ROBO2: variants seen among roughly 807,000 people sequenced by gnomAD.
The protein encoded by ROBO2 is roundabout guidance receptor 2.
ROBO2 carries 53 observed loss-of-function variants against 160.8 expected under a neutral mutation model. The observed-to-expected ratio is 0.33, with a 90% CI of 0.26 to 0.41. ROBO2 has a LOEUF of 0.41. ROBO2 is among the 10% of genes least tolerant of loss of function. The pLI is 1.00. For missense variants in ROBO2, 1,577 were observed against 1,722.4 expected, an observed-to-expected ratio of 0.92 and a Z score of 1.49; for synonymous variants, 664 against 611.7, an observed-to-expected ratio of 1.09 and a Z score of -1.26.
intron 2 of ROBO2, among the ~76,000 whole-genome samples, chr3:76,198,356 A>C (rs1702360317): frequency 6.6e-6 from 1 of 152,200 alleles, no homozygotes; most frequent in South Asian, 2.1e-4. Context: ...ACATGAAAAC[A>C]GAGATCTTAA....
intron 2 of ROBO2, among the ~76,000 whole-genome samples, chr3:76,458,951 A>G (rs543883153): frequency 3.9e-5 from 6 of 152,184 alleles, no homozygotes; most frequent in Admixed American, 3.9e-4. Flanking sequence ...GGTTTGGGGG[A>G]GACACAGCCA....
intron 2 of ROBO2, among the ~76,000 whole-genome samples, chr3:76,426,965 A>G (rs776200905): frequency 6.6e-6 from 1 of 152,152 alleles, no homozygotes; most frequent in Non-Finnish European, 1.5e-5. Flanking sequence ...CTCCATAAAG[A>G]AGACATAGTG....
chr3:77,099,205 G>T (rs190908558), intron 2 of ROBO2, among the ~76,000 whole-genome samples: 18 of 151,564 alleles, frequency 1.2e-4, no homozygotes, highest in African/African-American at 4.4e-4. Flanking sequence ...CCAAGTAGCT[G>T]GGATTACAGA....
intron 2 of ROBO2, among the ~76,000 whole-genome samples, chr3:76,426,438 C>G (rs181378826): frequency 9.2e-5 from 14 of 152,144 alleles, no homozygotes; most frequent in African/African-American, 3.1e-4. Flanking sequence ...CAAAAATGAT[C>G]AACAGACATC....
intron 4 of ROBO2, among the ~76,000 whole-genome samples, chr3:77,488,374 T>C (rs776977613): frequency 6.6e-6 from 1 of 152,240 alleles, no homozygotes; most frequent in Non-Finnish European, 1.5e-5. Flanking sequence ...TCTGATCTAA[T>C]TGATAAGCAG....
intron 2 of ROBO2, among the ~76,000 whole-genome samples, chr3:77,249,151 A>G (rs1383917877): frequency 1.3e-5 from 2 of 152,152 alleles, no homozygotes; most frequent in Non-Finnish European, 2.9e-5. Flanking sequence ...GCCCCTGCCC[A>G]CATTTTTGTT....
rs1442623560 is a variant in ROBO2, at chr3:77,011,048, TTCTTTC to T, written c.110-86964_110-86959del. On this transcript the variant is annotated intron_variant, in intron 2 of 26. Coordinates refer to the ROBO2 transcript ENST00000487694. ...CTGTCGGTTCTTTCTTTTCTTTTCT[TTCTTTC>T]TTCTTTCTTTCTTTCTTTCTTTCTT... Among the ~76,000 whole-genome samples the T allele has an allele frequency of 3.3e-3, 241 of 72,082 alleles. 2 individuals are homozygous for T. Among genetic ancestry groups the T allele is most frequent in the African/African-American group, 0.015 (202 of 13,332 alleles). The allele number at this position is 72,082 out of a possible 152,430, so 47.3% of individuals were successfully genotyped here. A position where few individuals can be genotyped will look rare whatever the true frequency, so the allele number is the denominator to read the frequency against.
intron 2 of ROBO2, among the ~76,000 whole-genome samples, chr3:77,245,276 G>T (rs891742904): frequency 2.6e-5 from 4 of 152,116 alleles, no homozygotes; most frequent in Admixed American, 6.5e-5. Context: ...TTTTCATGGG[G>T]GGTGGCTCAA....
At chr3:76,601,737 G>GA (rs1304054907) in intron 2 of ROBO2, among the ~76,000 whole-genome samples, 2 of 152,168 alleles carry the variant, frequency 1.3e-5, no homozygotes, top group Non-Finnish European at 2.9e-5. Context: ...CCATGCCCTG[G>GA]AGCCATTTTC....
chr3:75,943,181 T>C (rs1205740780), intron 2 of ROBO2, among the ~76,000 whole-genome samples: 1 of 152,178 alleles, frequency 6.6e-6, no homozygotes, highest in African/African-American at 2.4e-5. Flanking sequence ...TTTAGACTTT[T>C]TTGTTTTACT....
chr3:76,176,183 A>G (rs139252919), intron 2 of ROBO2, among the ~76,000 whole-genome samples: 89 of 151,954 alleles, frequency 5.9e-4, no homozygotes, highest in African/African-American at 2.1e-3. Flanking sequence ...TCAAGGGCGC[A>G]GCTTTATTTT....
At chr3:76,178,219 A>T (rs1281043807) in intron 2 of ROBO2, among the ~76,000 whole-genome samples, 1 of 152,176 alleles carries the variant, frequency 6.6e-6, no homozygotes, top group Non-Finnish European at 1.5e-5. Context: ...TCTGACTTTG[A>T]TGATGATATT....
chr3:76,216,209 C>G (rs539034687), intron 2 of ROBO2, among the ~76,000 whole-genome samples: 1 of 152,130 alleles, frequency 6.6e-6, no homozygotes, highest in Non-Finnish European at 1.5e-5. Flanking sequence ...CAAAAACATG[C>G]CAAATTGTAA....
intron 2 of ROBO2, among the ~76,000 whole-genome samples, chr3:76,863,487 A>C (rs1166968): frequency 0.099 from 15,005 of 150,888 alleles, 810 homozygotes; most frequent in South Asian, 0.12. Context: ...GCAGAAAAAA[A>C]CCAAATCATT....
At chr3:77,139,921 CAACACCAA>C (rs2076573030) in intron 2 of ROBO2, among the ~76,000 whole-genome samples, 2 of 152,146 alleles carry the variant, frequency 1.3e-5, no homozygotes, top group African/African-American at 4.8e-5. Flanking sequence ...ACATGCTTGT[CAACACCAA>C]AACTCAGAGA....
intron 2 of ROBO2, among the ~76,000 whole-genome samples, chr3:77,378,800 T>A (rs1426550386): frequency 1.3e-5 from 2 of 152,232 alleles, no homozygotes; most frequent in African/African-American, 4.8e-5. Flanking sequence ...ATGCAATTAC[T>A]TCTGCATAGA....
intron 2 of ROBO2, among the ~76,000 whole-genome samples, chr3:77,418,614 A>G (rs905762461): frequency 1.3e-5 from 2 of 152,106 alleles, no homozygotes; most frequent in Non-Finnish European, 2.9e-5. Flanking sequence ...TGATTCATAC[A>G]TTCATATGAC....
chr3:76,970,331 A>G (rs1165039757), intron 2 of ROBO2, among the ~76,000 whole-genome samples: 1 of 152,218 alleles, frequency 6.6e-6, no homozygotes, highest in Non-Finnish European at 1.5e-5. Context: ...TTATTCTTCA[A>G]ATAGAAATGT....
intron 2 of ROBO2, among the ~76,000 whole-genome samples, chr3:76,932,518 G>A (rs1266478579): frequency 6.6e-6 from 1 of 151,922 alleles, no homozygotes; most frequent in Non-Finnish European, 1.5e-5. Context: ...CATATGCCAT[G>A]ACTAGTTTTT....
Sources: gnomAD v4.1 joint callset for allele counts (sites outside exome capture counted in the v4.1 genomes callset) on GRCh38, gnomAD v4.1.1 for gene constraint, MANE v1.5 for transcripts, NCBI Gene and HGNC (gene_info 2026-07-23, HGNC 2026-07-21) for gene names.